PCDH7: variants seen among roughly 807,000 people sequenced by gnomAD.
PCDH7 encodes the protein protocadherin-7.
In PCDH7, 17 loss-of-function variants were observed where a neutral mutation model predicts 58.9. The ratio of observed to expected loss-of-function variants is 0.29; its 90% CI spans 0.20 to 0.43. The LOEUF is 0.43. PCDH7 is among the 20% of genes least tolerant of loss of function. The pLI, the probability that PCDH7 is intolerant of heterozygous loss-of-function variation, is 1.00. For synonymous variants in PCDH7, 664 were observed against 616.4 expected (o/e 1.08, Z -1.14); for missense variants, 1,274 against 1,441.0 (o/e 0.88, Z 1.88).
chr4:31,014,148 A>G (rs1295201833), intron 3 of PCDH7, among the ~76,000 whole-genome samples: 2 of 152,178 alleles, frequency 1.3e-5, no homozygotes, highest in African/African-American at 4.8e-5. Flanking sequence ...TGCTATAGAA[A>G]AAAAAGGAAG....
At position 31,098,005 on chromosome 4, in the gene PCDH7, G is replaced by A. The variant is rs576064986; in HGVS notation, c.*8-44468G>A. Among the ~76,000 whole-genome samples the A allele has an allele frequency of 1.7e-4, 26 of 152,154 alleles. No homozygotes were observed. The East Asian group carries it at 2.3e-3, about 14-fold the overall frequency. ...TTTAGGAAAGATTCTTTCAGGTCACGGATTATCCTAAGGGAAAGTATTTGG... is the reference window on the plus strand; with the variant it reads ...TTTAGGAAAGATTCTTTCAGGTCACAGATTATCCTAAGGGAAAGTATTTGG... On this transcript the variant is annotated intron_variant, in intron 3 of 3. Coordinates refer to the PCDH7 transcript ENST00000509759.
chr4:31,075,981 C>T (rs1006637175), intron 3 of PCDH7, among the ~76,000 whole-genome samples: 1 of 152,132 alleles, frequency 6.6e-6, no homozygotes, highest in Admixed American at 6.6e-5. Flanking sequence ...TTTTAAATTT[C>T]CCAATGTAGG....
At chr4:30,942,424 G>A (rs1245914214) in intron 2 of PCDH7, among the ~76,000 whole-genome samples, 2 of 152,048 alleles carry the variant, frequency 1.3e-5, no homozygotes, top group African/African-American at 2.4e-5. Context: ...TCTCTACAAG[G>A]TATAAATTTT....
chr4:31,016,794 T>TGTGTGC (rs1368021827), intron 3 of PCDH7, among the ~76,000 whole-genome samples: 4 of 151,664 alleles, frequency 2.6e-5, no homozygotes, highest in Non-Finnish European at 5.9e-5. Flanking sequence ...TGTGTGTGTG[T>TGTGTGC]GTGTGCGTGT....
intron 1 of PCDH7, chr4:30,786,667 G>A (rs1723437536): frequency 5.1e-6 from 3 of 588,810 alleles, no homozygotes; most frequent in African/African-American, 2.0e-5. Flanking sequence ...TTGGAACTAG[G>A]CTGGCAAAAC....
chr4:30,880,540 C>T (rs1230824340), intron 1 of PCDH7, among the ~76,000 whole-genome samples: 6 of 152,078 alleles, frequency 3.9e-5, no homozygotes, highest in African/African-American at 1.4e-4. Flanking sequence ...GTTCTTTATG[C>T]ACTGAGGTAT....
chr4:31,083,012 G>GC (rs1419905409), intron 3 of PCDH7, among the ~76,000 whole-genome samples: 1 of 152,204 alleles, frequency 6.6e-6, no homozygotes, highest in African/African-American at 2.4e-5. Flanking sequence ...GGAGGCTGAG[G>GC]CAGGAGAATG....
At chr4:31,052,503 A>C (rs2109222944) in intron 3 of PCDH7, among the ~76,000 whole-genome samples, 1 of 152,306 alleles carries the variant, frequency 6.6e-6, no homozygotes, top group East Asian at 1.9e-4. Context: ...TCTGTAGTGA[A>C]AAGATTTAAA....
intron 3 of PCDH7, among the ~76,000 whole-genome samples, chr4:31,064,813 G>C (rs1757955182): frequency 6.6e-6 from 1 of 151,818 alleles, no homozygotes; most frequent in South Asian, 2.1e-4. Context: ...CTTGGAATTG[G>C]AACTTTATCT....
chr4:31,063,575 C>T (rs998526092), intron 3 of PCDH7, among the ~76,000 whole-genome samples: 1 of 151,800 alleles, frequency 6.6e-6, no homozygotes, highest in Non-Finnish European at 1.5e-5. Context: ...GAAAACTCAT[C>T]CCCCAAGTTA....
At chr4:30,824,437 A>T (rs1728850853) in intron 1 of PCDH7, among the ~76,000 whole-genome samples, 1 of 152,128 alleles carries the variant, frequency 6.6e-6, no homozygotes, top group South Asian at 2.1e-4. Context: ...AATACACTCA[A>T]GTATTAAACA....
exon 2 of PCDH7, chr4:30,732,732 C>T (rs1224765870): frequency 6.6e-6 from 1 of 151,664 alleles, no homozygotes; most frequent in Non-Finnish European, 1.5e-5. Flanking sequence ...GGTTTGAGAA[C>T]CAGCACTCTA....
At chr4:30,788,727 G>T (rs536792817) in intron 1 of PCDH7, among the ~76,000 whole-genome samples, 55 of 152,144 alleles carry the variant, frequency 3.6e-4, no homozygotes, top group Non-Finnish European at 7.1e-4. Flanking sequence ...AGTTAATTAT[G>T]AGAGTGTGTG....
intron 3 of PCDH7, among the ~76,000 whole-genome samples, chr4:31,043,435 C>A (rs937155657): frequency 6.6e-6 from 1 of 152,064 alleles, no homozygotes; most frequent in Non-Finnish European, 1.5e-5. Flanking sequence ...TCCACAACCT[C>A]CCCAGCATCT....
intron 3 of PCDH7, among the ~76,000 whole-genome samples, chr4:31,006,902 AAAAAAG>A (rs1266850545): frequency 2.0e-5 from 3 of 147,172 alleles, no homozygotes; most frequent in Non-Finnish European, 3.0e-5. Flanking sequence ...CAAAAAAAAA[AAAAAAG>A]AAAAAGAAAA....
rs201692269 is a variant in PCDH7 at position 30,728,277 on chromosome 4, GTA to G, written c.3175-2457_3175-2456del. On this transcript the variant is annotated intron_variant, in intron 1 of 1. Coordinates refer to ENST00000361762, the Ensembl canonical transcript of PCDH7. The stretch of plus-strand genomic sequence containing the variant: ...TGTGTGTGTGTGTATACATACATAT[GTA>G]TATATATATATATATATAGAGAGAG... 2.8e-3 allele frequency among the ~76,000 whole-genome samples: 385 copies of G among 139,536 alleles called. 1 individual carries two copies. Among genetic ancestry groups the G allele is most frequent in the African/African-American group, 5.0e-3 (189 of 38,090 alleles). 91.5% of individuals were successfully genotyped at this position (139,536 alleles called of 152,430 possible). A position where few individuals can be genotyped will look rare whatever the true frequency, so the allele number is the denominator to read the frequency against.
In PCDH7 at chr4:30,796,852, T is replaced by A. The variant is rs77874905; in HGVS notation, c.70+72256T>A. Among the ~76,000 whole-genome samples the A allele has an allele frequency of 4.6e-4, 70 of 152,332 alleles. No individual in the cohort carries two copies. In the East Asian group the frequency reaches 0.011, roughly 25 times the overall value. On this transcript the variant is annotated intron_variant, in intron 1 of 3. Transcript: ENST00000509759. Reference sequence around the variant, plus strand: ...GCACTTCCCTGCTAGCTTATCCTAATCCTTACTGTTATCTCTTCTGCAATT... The same window carrying A: ...GCACTTCCCTGCTAGCTTATCCTAAACCTTACTGTTATCTCTTCTGCAATT...
chr4:30,820,609 GT>G (rs973958859), intron 1 of PCDH7, among the ~76,000 whole-genome samples: 2 of 148,680 alleles, frequency 1.3e-5, no homozygotes, highest in African/African-American at 4.9e-5. Flanking sequence ...AACAACACTA[GT>G]TTTTTTTTTA....
chr4:30,968,640 A>T (rs889743374), intron 3 of PCDH7, among the ~76,000 whole-genome samples: 1 of 151,978 alleles, frequency 6.6e-6, no homozygotes, highest in Admixed American at 6.6e-5. Context: ...TGAAAGATTA[A>T]TTCAGTTCAC....
Sources: gnomAD v4.1 joint callset for allele counts (sites outside exome capture counted in the v4.1 genomes callset) on GRCh38, gnomAD v4.1.1 for gene constraint, MANE v1.5 for transcripts, NCBI Gene and HGNC (gene_info 2026-07-23, HGNC 2026-07-21) for gene names.